Variants in GRID2 observed in about 807,000 individuals in gnomAD.
GRID2 encodes the protein glutamate receptor ionotropic, delta-2.
GRID2 carries 33 observed loss-of-function variants against 114.8 expected under a neutral mutation model. The observed-to-expected ratio is 0.29, with a 90% CI of 0.22 to 0.38. The LOEUF (loss-of-function observed/expected upper bound fraction) is 0.38. GRID2 is among the 10% of genes least tolerant of loss of function. The pLI is 1.00. For synonymous variants in GRID2, 505 were observed against 449.9 expected, an observed-to-expected ratio of 1.12 and a Z score of -1.55; for missense variants, 1,184 against 1,257.7, an observed-to-expected ratio of 0.94 and a Z score of 0.89.
At chr4:93,014,970 ATATTCT>A (rs1195494476) in intron 2 of GRID2, among the ~76,000 whole-genome samples, 1 of 152,142 alleles carries the variant, frequency 6.6e-6, no homozygotes, top group Non-Finnish European at 1.5e-5. Context: ...ATGGTGAGTG[ATATTCT>A]TAGTCAGTGG....
Position 92,624,835 on chromosome 4 carries a change from G to T in GRID2, c.244+34549G>T, listed in dbSNP as rs1384740310. Among the ~76,000 whole-genome samples the T allele has an allele frequency of 2.0e-5, 3 of 151,620 alleles. No homozygotes were observed. The East Asian group carries it at 5.8e-4, about 29-fold the overall frequency. ...TGAATGAGATTATTTTATTAAAAAGGAAAAAAATTTGAAGAGTATAAATAC... is the reference window on the plus strand; with the variant it reads ...TGAATGAGATTATTTTATTAAAAAGTAAAAAAATTTGAAGAGTATAAATAC... On this transcript the variant is annotated intron_variant, in intron 2 of 15. Coordinates refer to ENST00000282020, the MANE Select transcript of GRID2 (RefSeq NM_001510.4).
At chr4:93,368,829 TAA>T (rs1039318406) in intron 8 of GRID2, among the ~76,000 whole-genome samples, 1 of 152,182 alleles carries the variant, frequency 6.6e-6, no homozygotes, top group Non-Finnish European at 1.5e-5. Flanking sequence ...TGGAAAAATT[TAA>T]AGAGTCTTCC....
chr4:93,726,387 GC>G (rs1729894557), intron 14 of GRID2, among the ~76,000 whole-genome samples: 3 of 152,120 alleles, frequency 2.0e-5, no homozygotes. Flanking sequence ...GGTTACTGTA[GC>G]CTTGTAGTAT....
intron 1 of GRID2, among the ~76,000 whole-genome samples, chr4:92,376,457 G>A (rs1234272653): frequency 1.3e-5 from 2 of 152,064 alleles, no homozygotes; most frequent in Admixed American, 6.6e-5. Context: ...TGATTTCATG[G>A]GCTGGCATTG....
At chr4:92,674,621 C>A (rs1479268621) in intron 2 of GRID2, among the ~76,000 whole-genome samples, 1 of 152,138 alleles carries the variant, frequency 6.6e-6, no homozygotes, top group Non-Finnish European at 1.5e-5. Flanking sequence ...CTCCCAGGTT[C>A]AAGCAATTCT....
intron 13 of GRID2, among the ~76,000 whole-genome samples, chr4:93,522,085 A>T (rs1730392568): frequency 6.6e-6 from 1 of 152,166 alleles, no homozygotes; most frequent in South Asian, 2.1e-4. Context: ...TTTGATTAGG[A>T]GATAAGTTAT....
At chr4:93,514,945 G>T (rs1729560240) in intron 12 of GRID2, among the ~76,000 whole-genome samples, 1 of 152,094 alleles carries the variant, frequency 6.6e-6, no homozygotes, top group South Asian at 2.1e-4. Flanking sequence ...CTCCCATGAA[G>T]CTTCACAAAG....
intron 4 of GRID2, among the ~76,000 whole-genome samples, chr4:93,139,579 T>G (rs1735568838): frequency 6.6e-6 from 1 of 152,214 alleles, no homozygotes; most frequent in Non-Finnish European, 1.5e-5. Context: ...CACTTGTGTT[T>G]TATCGTAATC....
At chr4:93,202,340 C>T (rs1284331535) in intron 4 of GRID2, among the ~76,000 whole-genome samples, 1 of 152,058 alleles carries the variant, frequency 6.6e-6, no homozygotes, top group Non-Finnish European at 1.5e-5. Flanking sequence ...ACACAATGAG[C>T]CCAAACAACT....
chr4:93,357,654 G>T (rs900669018), intron 8 of GRID2, among the ~76,000 whole-genome samples: 2 of 151,160 alleles, frequency 1.3e-5, no homozygotes, highest in East Asian at 3.9e-4. Flanking sequence ...ACAAAATATT[G>T]CTACAAAATA....
chr4:93,344,109 C>A (rs543495639), intron 8 of GRID2, among the ~76,000 whole-genome samples: 1 of 152,012 alleles, frequency 6.6e-6, no homozygotes, highest in South Asian at 2.1e-4. Context: ...CATGGAGAAG[C>A]CTTATAATTG....
chr4:93,469,964 A>T (rs192946737), intron 11 of GRID2, among the ~76,000 whole-genome samples: 2 of 152,272 alleles, frequency 1.3e-5, no homozygotes, highest in Admixed American at 1.3e-4. Flanking sequence ...GGATTAGGTT[A>T]AAAAGTGAAA....
chr4:93,355,527 C>G (rs1426070288), intron 8 of GRID2, among the ~76,000 whole-genome samples: 7 of 151,972 alleles, frequency 4.6e-5, no homozygotes. Flanking sequence ...GTGGAAGATG[C>G]CAATACTCTT....
chr4:92,663,429 A>C (rs1201555402), intron 2 of GRID2, among the ~76,000 whole-genome samples: 1 of 151,156 alleles, frequency 6.6e-6, no homozygotes, highest in Non-Finnish European at 1.5e-5. Flanking sequence ...AATTCATTGA[A>C]CATCTTTTGG....
intron 13 of GRID2, among the ~76,000 whole-genome samples, chr4:93,593,100 A>C (rs1477748122): frequency 2.6e-5 from 4 of 151,692 alleles, no homozygotes; most frequent in Non-Finnish European, 4.4e-5. Flanking sequence ...TCCTGTCATT[A>C]TGATGTTAGC....
At chr4:93,538,900 G>A (rs752144197) in intron 13 of GRID2, among the ~76,000 whole-genome samples, 1 of 151,694 alleles carries the variant, frequency 6.6e-6, no homozygotes, top group Non-Finnish European at 1.5e-5. Context: ...CAGCAAAACT[G>A]TTGAAATCCT....
chr4:93,289,609 CAT>C (rs1464977112), intron 8 of GRID2, among the ~76,000 whole-genome samples: 2 of 152,080 alleles, frequency 1.3e-5, no homozygotes, highest in Non-Finnish European at 2.9e-5. Flanking sequence ...ATAATGAAAA[CAT>C]ATACATATGT....
At position 92,794,874 on chromosome 4, in the gene GRID2, T is replaced by TTATATATATATATA. The variant is rs34559735; in HGVS notation, c.244+204607_244+204620dup. Among the ~76,000 whole-genome samples, 288 of 105,956 alleles carry TTATATATATATATA rather than the reference T, an allele frequency of 2.7e-3. 3 individuals carry two copies. Among genetic ancestry groups the TTATATATATATATA allele is most frequent in the African/African-American group, 7.2e-3 (172 of 23,968 alleles). 69.5% of individuals were successfully genotyped at this position (105,956 alleles called of 152,430 possible). A position where few individuals can be genotyped will look rare whatever the true frequency, so the allele number is the denominator to read the frequency against. ...CAGAGTCATTTAATAAATAATTGTT[T>TTATATATATATATA]TATATATATATATATATATATATAT... On this transcript the variant is annotated intron_variant, in intron 2 of 15. Transcript: ENST00000282020.
Position 93,353,671 on chromosome 4 carries a change from G to C in GRID2, c.1246-41936G>C, listed in dbSNP as rs183937222. Reference sequence around the variant, plus strand: ...ATATAGACACCTAAAAAAATTGACAGTGAGTTTAAAGCAAGAATGGAGTTG... The same window carrying C: ...ATATAGACACCTAAAAAAATTGACACTGAGTTTAAAGCAAGAATGGAGTTG... On this transcript the variant is annotated intron_variant, in intron 8 of 15. Transcript: ENST00000282020. Among the ~76,000 whole-genome samples the C allele has an allele frequency of 2.0e-5, 3 of 152,168 alleles. No homozygotes were observed. The East Asian group carries it at 5.8e-4, about 29-fold the overall frequency.
Sources: gnomAD v4.1 joint callset for allele counts (sites outside exome capture counted in the v4.1 genomes callset) on GRCh38, gnomAD v4.1.1 for gene constraint, MANE v1.5 for transcripts, NCBI Gene and HGNC (gene_info 2026-07-23, HGNC 2026-07-21) for gene names.